Variants in COX20 observed in about 807,000 individuals in gnomAD.
COX20 encodes cytochrome c oxidase assembly protein COX20, mitochondrial.
In COX20, 14 loss-of-function variants were observed where a neutral mutation model predicts 14.3. The observed-to-expected ratio is 0.98, with a 90% CI of 0.65 to 1.53. The LOEUF is 1.53. COX20 is among the 40% of genes most tolerant of loss of function. The probability of loss-of-function intolerance (pLI) is 0.00; values close to 1 mark genes in which losing one functional copy is unlikely to be tolerated. For missense variants in COX20, 149 were observed against 142.1 expected (o/e 1.05, Z -0.25); for synonymous variants, 56 against 51.7 (o/e 1.08, Z -0.36).
At position 244,843,218 on chromosome 1, in the gene COX20, C is replaced by G. The variant is rs1170492388; in HGVS notation, c.*42C>G. ...AAGTCAATGTAAACGAAGTTAAGAT[C>G]AACCACATAAAACATTTCATGTGCA... On this transcript the variant is annotated 3_prime_UTR_variant, in exon 4 of 4. Transcript: ENST00000411948. The G allele has an allele frequency of 6.6e-7, 1 of 1,509,988 alleles. No individual in the cohort carries two copies. The highest frequency in any genetic ancestry group is 8.9e-7 in the Non-Finnish European group (1 of 1,124,912). The allele number at this position is 1,509,988 out of a possible 1,614,324, so 93.5% of individuals were successfully genotyped here. A position where few individuals can be genotyped will look rare whatever the true frequency, so the allele number is the denominator to read the frequency against.
upstream of COX20, chr1:244,835,611 A>AGGC (rs1242641809): frequency 2.3e-6 from 2 of 852,014 alleles, no homozygotes; most frequent in Admixed American, 4.6e-5. Context: ...ACAGGGCGGG[A>AGGC]GGCGGCGGCG....
At chr1:244,839,176 A>G (rs374078718) in intron 1 of COX20, among the ~76,000 whole-genome samples, 1 of 151,574 alleles carries the variant, frequency 6.6e-6, no homozygotes. Context: ...TTGAGTATGC[A>G]AGAGGGGAAT....
At position 244,835,722 on chromosome 1, in the gene COX20, C is replaced by T. The variant is rs1679951764; in HGVS notation, c.8C>T (p.Ala3Val). The T allele has an allele frequency of 4.7e-6, 6 of 1,268,610 alleles. No individual in the cohort carries two copies. The highest frequency in any genetic ancestry group is 2.9e-5 in the South Asian group (1 of 34,878). 78.6% of individuals were successfully genotyped at this position (1,268,610 alleles called of 1,614,324 possible). The stretch of plus-strand genomic sequence containing the variant: ...AGTCGCGGAGTAGTCCTCATGGCCG[C>T]CCCGCCGGAGCCCGGTGAGCCCGAG... Reference protein sequence around the residue: MAAPPEPGEPEER... With the variant: MAVPPEPGEPEER... Residue 3 changes from alanine (A) to valine (V), a missense_variant, in exon 1 of 4, where the codon GCC becomes GTC. Ala to Val is a moderately conservative substitution (Grantham distance 64). Coordinates refer to ENST00000411948, the MANE Select transcript of COX20 (RefSeq NM_198076.6).
intron 1 of COX20, among the ~76,000 whole-genome samples, chr1:244,837,932 T>C (rs1558175822): frequency 6.6e-6 from 1 of 152,226 alleles, no homozygotes; most frequent in East Asian, 1.9e-4. Context: ...CTTATTATAG[T>C]CATCTGATAC....
At chr1:244,841,798 G>T in intron 1 of COX20, 146 bp from the exon 2 acceptor site, 2 of 582,058 alleles carry the variant, frequency 3.4e-6, no homozygotes, top group East Asian at 2.8e-5. Flanking sequence ...CAAAGACAAC[G>T]CAAGCTGATT....
chr1:244,842,847 A>G (rs1006393699), intron 3 of COX20, 194 bp from the exon 4 acceptor site: 1 of 421,694 alleles, frequency 2.4e-6, no homozygotes, highest in Non-Finnish European at 4.2e-6. Flanking sequence ...TTTTTTTCCT[A>G]ATAAAAAAAG....
intron 3 of COX20, 105 bp from the exon 4 acceptor site, chr1:244,842,936 G>T: frequency 1.2e-6 from 1 of 859,704 alleles, no homozygotes; most frequent in Non-Finnish European, 1.7e-6. Flanking sequence ...CAGTCTCAGG[G>T]TAGTAGTCAT....
At chr1:244,835,608 G>T, upstream of COX20, 2 of 846,470 alleles carry the variant, frequency 2.4e-6, no homozygotes, top group African/African-American at 1.8e-5. Context: ...GGAACAGGGC[G>T]GGAGGCGGCG....
At chr1:244,835,364 G>A (rs1440480835), upstream of COX20, 5 of 247,910 alleles carry the variant, frequency 2.0e-5, no homozygotes, top group Admixed American at 1.1e-4. Context: ...CGGAGCAGGG[G>A]GCTGGCGCGG....
intron 1 of COX20, among the ~76,000 whole-genome samples, chr1:244,838,405 C>T (rs976094791): frequency 2.6e-5 from 4 of 152,002 alleles, no homozygotes; most frequent in Non-Finnish European, 5.9e-5. Flanking sequence ...AATTGAAAGC[C>T]TTGGGATACC....
intron 1 of COX20, chr1:244,840,156 A>T (rs1437547464): frequency 1.3e-5 from 2 of 152,204 alleles, no homozygotes; most frequent in Non-Finnish European, 2.9e-5. Flanking sequence ...ACTTTTATTT[A>T]AAAAAATAAA....
rs1680313620 is a variant in COX20, at chr1:244,843,841, T to G, written c.*665T>G. The G allele has an allele frequency of 6.6e-6, 1 of 152,212 alleles. No homozygotes were observed. Among genetic ancestry groups the G allele is most frequent in the South Asian group, 2.1e-4 (1 of 4,836 alleles). 9.4% of individuals were successfully genotyped at this position (152,212 alleles called of 1,614,324 possible). A position where few individuals can be genotyped will look rare whatever the true frequency, so the allele number is the denominator to read the frequency against. ...TAGTAAAACAACTGCAGAATTACTA[T>G]TAATGTAAACAATCCATTTGAAAGT... On this transcript the variant is annotated 3_prime_UTR_variant, in exon 4 of 4. Transcript: ENST00000411948.
rs1680283844 is a variant in COX20 at position 244,843,189 on chromosome 1, A to G, written c.*13A>G. ...CAGCAGCAATTGAACAATCTTGAGCATAGAAGTCAATGTAAACGAAGTTAA... is the reference window on the plus strand; with the variant it reads ...CAGCAGCAATTGAACAATCTTGAGCGTAGAAGTCAATGTAAACGAAGTTAA... On this transcript the variant is annotated 3_prime_UTR_variant, in exon 4 of 4. Coordinates refer to ENST00000411948, the MANE Select transcript of COX20 (RefSeq NM_198076.6). 1 of 1,554,860 alleles carries G rather than the reference A, an allele frequency of 6.4e-7. No individual in the cohort carries two copies. Among genetic ancestry groups the G allele is most frequent in the Non-Finnish European group, 8.6e-7 (1 of 1,158,920 alleles).
chr1:244,839,981 A>T (rs951235518), intron 1 of COX20: 3 of 152,046 alleles, frequency 2.0e-5, no homozygotes, highest in Admixed American at 2.0e-4. Context: ...TACCTCCCCC[A>T]CCAGCAGCTC....
intron 1 of COX20, chr1:244,841,201 C>T (rs1375822986): frequency 6.6e-6 from 1 of 152,204 alleles, no homozygotes; most frequent in Non-Finnish European, 1.5e-5. Context: ...CCAACCCATT[C>T]ATGTTATAGA....
rs1680217566 is a variant in COX20, at chr1:244,841,961, A to G, written c.60A>G (p.Gly20=). ...PEERKSLKLL[G]FLDVENTPCA... is the part of the protein sequence containing the mutation. ...CATTCTAGTCCCTTAAGCTCCTAGG[A>G]TTTTTAGATGTTGAAAATACTCCCT... Residue 20 remains glycine, a synonymous_variant, in exon 2 of 4, where the codon GGA becomes GGG. Coordinates refer to ENST00000411948, the MANE Select transcript of COX20 (RefSeq NM_198076.6). 1 of 1,597,504 alleles carries G rather than the reference A, an allele frequency of 6.3e-7. No homozygotes were observed. Among genetic ancestry groups the G allele is most frequent in the South Asian group, 1.1e-5 (1 of 90,464 alleles).
At chr1:244,842,558 G>A (rs1680249851) in intron 3 of COX20, 1 of 352,788 alleles carries the variant, frequency 2.8e-6, no homozygotes, top group African/African-American at 2.0e-5. Context: ...GCTACTTTAA[G>A]AATGTGTTTA....
chr1:244,838,991 T>C (rs866209051), intron 1 of COX20, among the ~76,000 whole-genome samples: 3 of 152,208 alleles, frequency 2.0e-5, no homozygotes, highest in African/African-American at 4.8e-5. Context: ...GGTTTTGCCA[T>C]GTTGGCCAGG....
At chr1:244,838,837 G>C (rs963237034) in intron 1 of COX20, among the ~76,000 whole-genome samples, 2 of 152,038 alleles carry the variant, frequency 1.3e-5, no homozygotes, top group Non-Finnish European at 2.9e-5. Context: ...CTGTTGCCCA[G>C]GCTGGAGTGC....
Sources: gnomAD v4.1 joint callset for allele counts (sites outside exome capture counted in the v4.1 genomes callset) on GRCh38, gnomAD v4.1.1 for gene constraint, MANE v1.5 for transcripts, NCBI Gene and HGNC (gene_info 2026-07-23, HGNC 2026-07-21) for gene names.